Variants in CD207 observed in about 807,000 individuals in gnomAD.
CD207 encodes CD207 molecule.
Under a neutral mutation model 31.6 loss-of-function variants are expected in CD207, and 28 were observed. That is an observed-to-expected ratio of 0.89 (90% confidence interval 0.66 to 1.21). The LOEUF is 1.21. CD207 is among the 50% of genes most tolerant of loss of function. The probability of loss-of-function intolerance (pLI) is 0.00; values close to 1 mark genes in which losing one functional copy is unlikely to be tolerated. For missense variants in CD207, 388 were observed against 397.8 expected, an observed-to-expected ratio of 0.98 and a Z score of 0.21; for synonymous variants, 168 against 153.9, an observed-to-expected ratio of 1.09 and a Z score of -0.68.
At position 70,833,808 on chromosome 2, in the gene CD207, C is replaced by T. The variant is rs139684762; in HGVS notation, c.403G>A (p.Ala135Thr). ...CTTCTTGTTAAGATCTGGATCTGTG[C>T]GTTGGCCTTCTCCACACTGGTTTTT... ...KLKTSVEKAN[A>T]QIQILTRSWE... Residue 135 changes from alanine (A) to threonine (T), a missense_variant, in exon 3 of 6, where the codon GCA becomes ACA. Transcript: ENST00000410009. 43 of 1,613,978 alleles carry T rather than the reference C, an allele frequency of 2.7e-5. No homozygotes were observed. The highest frequency in any genetic ancestry group is 6.7e-5 in the East Asian group (3 of 44,890).
downstream of CD207, among the ~76,000 whole-genome samples, chr2:70,828,771 T>C (rs1165574045): frequency 1.3e-5 from 2 of 152,150 alleles, no homozygotes; most frequent in Admixed American, 6.5e-5. Context: ...ATTCAAGCAA[T>C]TCTCCTGCCT....
intron 2 of CD207, 147 bp from the exon 3 acceptor site, chr2:70,834,167 A>G (rs1553400542): frequency 1.6e-6 from 1 of 618,658 alleles, no homozygotes; most frequent in Non-Finnish European, 2.5e-6. Flanking sequence ...CAACCCTCCA[A>G]TCATTCATTA....
At chr2:70,832,022 A>G (rs3815556) in intron 4 of CD207, among the ~76,000 whole-genome samples, 13,526 of 152,182 alleles carry the variant, frequency 0.089, 896 homozygotes, top group African/African-American at 0.17. Context: ...TGCAGCTAAC[A>G]AGCTCAGGAC....
chr2:70,831,803 G>A lies in CD207; in HGVS notation c.734C>T (p.Thr245Ile), dbSNP rs782792654. 1 of 1,608,014 alleles carries A rather than the reference G, an allele frequency of 6.2e-7. No homozygotes were observed. Among genetic ancestry groups the A allele is most frequent in the Non-Finnish European group, 8.5e-7 (1 of 1,174,590 alleles). The change falls in exon 5 of 6, where the codon ACA becomes ATA. Residue 245 changes from threonine (T) to isoleucine (I), a missense_variant. By Grantham distance (89) the Thr-to-Ile change is moderately conservative. Coordinates refer to ENST00000410009, the MANE Select transcript of CD207 (RefSeq NM_015717.5). ...SESEQEFLYK[T>I]AGGLIYWIGL... Reference sequence around the variant, plus strand: ...AATCCAGTAGATGAGTCCCCCCGCTGTTTTATACAGAAACTCCTGTAGGAA... The same window carrying A: ...AATCCAGTAGATGAGTCCCCCCGCTATTTTATACAGAAACTCCTGTAGGAA...
At chr2:70,831,573 G>A in intron 5 of CD207, 128 bp downstream of exon 5, 1 of 702,034 alleles carries the variant, frequency 1.4e-6, no homozygotes, top group South Asian at 1.6e-5. Flanking sequence ...TGGTTGCAAT[G>A]TTCCTGTCAC....
At chr2:70,832,730 T>C (rs1399814628) in intron 4 of CD207, among the ~76,000 whole-genome samples, 170 bp downstream of exon 4, 1 of 152,214 alleles carries the variant, frequency 6.6e-6, no homozygotes, top group African/African-American at 2.4e-5. Flanking sequence ...GTAGCCACAG[T>C]GAGCACAGCC....
rs1553400833 is a variant in CD207 at position 70,835,473 on chromosome 2, T to C, written c.190+18A>G. The C allele has an allele frequency of 1.3e-6, 2 of 1,582,628 alleles. No homozygotes were observed. The highest frequency in any genetic ancestry group is 1.7e-5 in the Admixed American group (1 of 59,868). ...ACAGAGAGGGGCTAAGCCCAGACGA[T>C]GAAACATGAGGACTTACAAAGGACG... On this transcript the variant is annotated intron_variant, in intron 2 of 5. Transcript: ENST00000410009.
intron 4 of CD207, 30 bp downstream of exon 4, chr2:70,832,870 C>G (rs1558628426): frequency 1.3e-6 from 2 of 1,593,142 alleles, no homozygotes; most frequent in Non-Finnish European, 1.7e-6. Flanking sequence ...CATACGCCCC[C>G]TTCACAGAGC....
chr2:70,833,525 G>A, intron 3 of CD207, 121 bp downstream of exon 3: 1 of 1,155,790 alleles, frequency 8.7e-7, no homozygotes, highest in Non-Finnish European at 1.2e-6. Context: ...CTAGCCCATG[G>A]CTGCCCCTCT....
the CD207 span, among the ~76,000 whole-genome samples, chr2:70,825,041 C>A: frequency 6.6e-6 from 1 of 152,186 alleles, no homozygotes; most frequent in Non-Finnish European, 1.5e-5. Flanking sequence ...TCAAGGTCAA[C>A]GCCAACAGTA....
Position 70,835,747 on chromosome 2 carries a change from C to T in CD207, c.30G>A (p.Ala10=), listed in dbSNP as rs575060537. 1.4e-5 allele frequency: 23 copies of T among 1,612,772 alleles called. No homozygotes were observed. Among genetic ancestry groups the T allele is most frequent in the Admixed American group, 5.0e-5 (3 of 59,826 alleles). ...TGTTCTGTTTGTCCACAGTGAAGTG[C>T]GCATCAGGGGCCTCCTTCTCCACAG... The part of the protein sequence containing the change: MTVEKEAPD[A]HFTVDKQNIS... Residue 10 remains alanine, a synonymous_variant, in exon 1 of 6, where the codon GCG becomes GCA. Transcript: ENST00000410009.
chr2:70,826,725 G>A (rs1677355677), downstream of CD207, among the ~76,000 whole-genome samples: 1 of 152,164 alleles, frequency 6.6e-6, no homozygotes, highest in African/African-American at 2.4e-5. Context: ...ACTTTAAAAG[G>A]TGAACTCAAA....
chr2:70,827,858 G>C (rs1677382134), downstream of CD207, among the ~76,000 whole-genome samples: 1 of 152,166 alleles, frequency 6.6e-6, no homozygotes. Flanking sequence ...ATGTTCACGA[G>C]CATTAGGACT....
At position 70,832,788 on chromosome 2, in the gene CD207, C is replaced by T. The variant is rs184811667; in HGVS notation, c.717+112G>A. ...ATGCTACTGAGAACCAATCCTTCTT[C>T]ATTAGGTCATCAATATTTGGGGATT... On this transcript the variant is annotated intron_variant, in intron 4 of 5. Coordinates refer to ENST00000410009, the MANE Select transcript of CD207 (RefSeq NM_015717.5). The T allele has an allele frequency of 5.9e-4, 632 of 1,080,144 alleles. 3 individuals are homozygous for T. In the African/African-American group the frequency reaches 8.7e-3, roughly 15 times the overall value. The allele number at this position is 1,080,144 out of a possible 1,614,324, so 66.9% of individuals were successfully genotyped here. A position where few individuals can be genotyped will look rare whatever the true frequency, so the allele number is the denominator to read the frequency against.
chr2:70,834,036 T>C lies in CD207; in HGVS notation c.191-16A>G. 6.7e-7 allele frequency: 1 copy of C among 1,500,512 alleles called. No homozygotes were observed. Among genetic ancestry groups the C allele is most frequent in the South Asian group, 1.4e-5 (1 of 69,092 alleles). 92.9% of individuals were successfully genotyped at this position (1,500,512 alleles called of 1,614,324 possible). A position where few individuals can be genotyped will look rare whatever the true frequency, so the allele number is the denominator to read the frequency against. ...AACCGGGGATCTGGGATTGAGAAAG[T>C]CAGGAGGTCAGCTGAGGGGAGTCCC... On this transcript the variant is annotated splice_polypyrimidine_tract_variant and intron_variant, in intron 2 of 5. Transcript: ENST00000410009.
At chr2:70,834,370 C>T (rs971579431) in intron 2 of CD207, among the ~76,000 whole-genome samples, 4 of 151,992 alleles carry the variant, frequency 2.6e-5, no homozygotes, top group African/African-American at 7.3e-5. Context: ...TCCATGAGCC[C>T]CACCACTGTC....
intron 4 of CD207, among the ~76,000 whole-genome samples, chr2:70,832,044 T>G (rs782613427): frequency 4.6e-5 from 7 of 152,190 alleles, no homozygotes; most frequent in Non-Finnish European, 1.0e-4. Context: ...CAAGCCTTTC[T>G]GCCACTCAGG....
At chr2:70,829,749 A>G (rs1677423310), downstream of CD207, among the ~76,000 whole-genome samples, 1 of 152,144 alleles carries the variant, frequency 6.6e-6, no homozygotes. Context: ...ACTGCTGGTT[A>G]CAGTTATTTA....
chr2:70,835,593 A>G lies in CD207; in HGVS notation c.88T>C (p.Ser30Pro), dbSNP rs1677596025. Residue 30 changes from serine (S) to proline (P), a missense_variant, in exon 2 of 6, where the codon TCC becomes CCC. Transcript: ENST00000410009. ...TTCCCCGGGACCAGAGATGGACCGG[A>G]CTTGGGAGGAGGCTCTGTTGGAAGA... ...SLWPREPPPK[S>P]GPSLVPGKTP... is the part of the protein sequence containing the mutation. The G allele has an allele frequency of 1.9e-6, 3 of 1,613,936 alleles. No individual in the cohort carries two copies. The highest frequency in any genetic ancestry group is 2.5e-6 in the Non-Finnish European group (3 of 1,179,798).
Sources: allele counts gnomAD v4.1 joint callset (sites outside exome capture counted in the v4.1 genomes callset), GRCh38; gene constraint gnomAD v4.1.1; transcripts MANE v1.5; gene names NCBI Gene and HGNC (gene_info 2026-07-23, HGNC 2026-07-21).